METAP1: variants seen among roughly 807,000 people sequenced by gnomAD.
METAP1 encodes methionyl aminopeptidase 1.
Under a neutral mutation model 53.8 loss-of-function variants are expected in METAP1, and 28 were observed. The observed-to-expected ratio is 0.52, with a 90% CI of 0.39 to 0.71. The LOEUF (loss-of-function observed/expected upper bound fraction) is 0.71. METAP1 is among the 30% of genes least tolerant of loss of function. METAP1 has a pLI of 0.00. For synonymous variants in METAP1, 181 were observed against 165.7 expected, an observed-to-expected ratio of 1.09 and a Z score of -0.71; for missense variants, 389 against 479.8, an observed-to-expected ratio of 0.81 and a Z score of 1.77.
intron 1 of METAP1, among the ~76,000 whole-genome samples, chr4:98,997,697 A>G (rs1400028865): frequency 1.3e-5 from 2 of 152,260 alleles, no homozygotes; most frequent in Non-Finnish European, 2.9e-5. Context: ...AATGCTAGAC[A>G]AATTTGTGAA....
At chr4:98,998,604 G>A (rs546740669) in intron 1 of METAP1, among the ~76,000 whole-genome samples, 2 of 152,290 alleles carry the variant, frequency 1.3e-5, no homozygotes, top group East Asian at 3.9e-4. Context: ...GTGATCACTA[G>A]GAGGTCTTTC....
intron 5 of METAP1, among the ~76,000 whole-genome samples, chr4:99,040,307 A>G (rs1367381244): frequency 1.3e-5 from 2 of 152,198 alleles, no homozygotes; most frequent in African/African-American, 4.8e-5. Flanking sequence ...GAAATCACAT[A>G]TTTATTCTGA....
chr4:99,005,745 AG>A, intron 1 of METAP1: 1 of 422,304 alleles, frequency 2.4e-6, no homozygotes, highest in South Asian at 1.7e-5. Flanking sequence ...CATTAAAAAA[AG>A]AATGAAATAA....
Position 99,035,406 on chromosome 4 carries a change from A to G in METAP1, c.286A>G (p.Thr96Ala), listed in dbSNP as rs754229763. Residue 96 changes from threonine to alanine, a missense_variant, in exon 4 of 11, where the codon ACA becomes GCA. Thr to Ala is a moderately conservative substitution (Grantham distance 58, BLOSUM62 0). Coordinates refer to ENST00000296411, the MANE Select transcript of METAP1 (RefSeq NM_015143.3). The stretch of plus-strand genomic sequence containing the variant: ...TAACTAACTTTGTTTTTAGATGCCA[A>G]CAAGGCCAGTGCCAAGTTATATTCA... ...KLRPHYPLMPTRPVPSYIQRP... is the reference protein window; with the variant it reads ...KLRPHYPLMPARPVPSYIQRP... 1.4e-5 allele frequency: 22 copies of G among 1,547,228 alleles called. 1 individual carries two copies. Among genetic ancestry groups the G allele is most frequent in the Middle Eastern group, 1.7e-4 (1 of 6,002 alleles).
chr4:99,025,564 C>A, intron 1 of METAP1: 1 of 805,178 alleles, frequency 1.2e-6, no homozygotes, highest in Non-Finnish European at 1.5e-6. Context: ...TAATGAGGAG[C>A]CAGAGCTGAG....
chr4:99,057,714 G>A, intron 9 of METAP1, 39 bp from the exon 10 acceptor site: 1 of 1,492,936 alleles, frequency 6.7e-7, no homozygotes, highest in Non-Finnish European at 9.1e-7. Context: ...GTACACTGTT[G>A]GTTTTGCTAC....
intron 1 of METAP1, among the ~76,000 whole-genome samples, chr4:99,024,032 A>G (rs1407592839): frequency 1.3e-5 from 2 of 152,250 alleles, no homozygotes; most frequent in Non-Finnish European, 2.9e-5. Context: ...AAAGGCAGAA[A>G]TGAAATCTAC....
At position 99,043,349 on chromosome 4, in the gene METAP1, C is replaced by A; in HGVS notation, c.617C>A (p.Pro206Gln). 1 of 1,604,790 alleles carries A rather than the reference C, an allele frequency of 6.2e-7. No individual in the cohort carries two copies. The highest frequency in any genetic ancestry group is 8.5e-7 in the Non-Finnish European group (1 of 1,175,206). The change falls in exon 7 of 11, where the codon CCA becomes CAA. Residue 206 changes from proline to glutamine, a missense_variant. Transcript: ENST00000296411. Reference protein sequence around the residue: ...SVNEVICHGIPDRRPLQEGDI... With the variant: ...SVNEVICHGIQDRRPLQEGDI... Reference sequence around the variant, plus strand: ...AATGAAGTCATTTGCCATGGAATACCAGACAGAAGGCCCTTACAAGAAGGT... The same window carrying A: ...AATGAAGTCATTTGCCATGGAATACAAGACAGAAGGCCCTTACAAGAAGGT...
intron 8 of METAP1, among the ~76,000 whole-genome samples, chr4:99,047,367 GC>G (rs1726344214): frequency 6.6e-6 from 1 of 152,132 alleles, no homozygotes; most frequent in Admixed American, 6.5e-5. Context: ...TACCCTTGGG[GC>G]CGCAGTTGGA....
chr4:99,022,540 G>A (rs1724201867), intron 1 of METAP1: 2 of 636,924 alleles, frequency 3.1e-6, no homozygotes, highest in South Asian at 4.1e-5. Flanking sequence ...CCCATCAACA[G>A]CAAGAAAGCA....
At chr4:99,022,775 C>G (rs1724225759) in intron 1 of METAP1, 1 of 1,602,334 alleles carries the variant, frequency 6.2e-7, no homozygotes, top group Non-Finnish European at 8.5e-7. Flanking sequence ...GGCCGCCACA[C>G]TCTTGGCTAT....
chr4:99,003,132 C>G (rs148975597), intron 1 of METAP1, among the ~76,000 whole-genome samples: 196 of 152,334 alleles, frequency 1.3e-3, no homozygotes, highest in African/African-American at 4.4e-3. Flanking sequence ...GGTCTGCTAT[C>G]TGCTAATGTG....
At chr4:99,044,868 C>T (rs1579315802) in intron 7 of METAP1, among the ~76,000 whole-genome samples, 2 of 152,176 alleles carry the variant, frequency 1.3e-5, no homozygotes, top group East Asian at 3.9e-4. Flanking sequence ...GTTACTAACT[C>T]TGGTAATTTA....
chr4:99,008,421 A>G (rs1723286912), intron 1 of METAP1, among the ~76,000 whole-genome samples: 1 of 152,218 alleles, frequency 6.6e-6, no homozygotes, highest in Admixed American at 6.5e-5. Context: ...TGTTAAATAT[A>G]TTGTTATAAA....
intron 1 of METAP1, among the ~76,000 whole-genome samples, chr4:99,004,446 TACACACACACACAC>T (rs1189663861): frequency 8.5e-4 from 68 of 80,106 alleles, no homozygotes; most frequent in African/African-American, 1.2e-3. Flanking sequence ...TGTGGACAGA[TACACACACACACAC>T]ACACACACAC....
chr4:99,007,767 T>G (rs532251371), intron 1 of METAP1, among the ~76,000 whole-genome samples: 2 of 152,332 alleles, frequency 1.3e-5, no homozygotes, highest in Non-Finnish European at 2.9e-5. Context: ...GTTATCACCT[T>G]TAAAGTGGCT....
At chr4:99,025,496 T>A in intron 1 of METAP1, 1 of 968,122 alleles carries the variant, frequency 1.0e-6, no homozygotes, top group Non-Finnish European at 1.2e-6. Flanking sequence ...TCTGATTGAA[T>A]TTGAAGTGGG....
intron 9 of METAP1, among the ~76,000 whole-genome samples, chr4:99,051,273 G>A (rs972352815): frequency 6.6e-6 from 1 of 152,186 alleles, no homozygotes; most frequent in Non-Finnish European, 1.5e-5. Context: ...TGGTTATAGT[G>A]TCAGCAAAAT....
At chr4:99,046,091 T>C (rs1473585150) in intron 8 of METAP1, among the ~76,000 whole-genome samples, 2 of 152,174 alleles carry the variant, frequency 1.3e-5, no homozygotes, top group Non-Finnish European at 2.9e-5. Flanking sequence ...TCGAGGCTTT[T>C]TTGTTTAATC....
Sources: allele counts gnomAD v4.1 joint callset (sites outside exome capture counted in the v4.1 genomes callset), GRCh38; gene constraint gnomAD v4.1.1; transcripts MANE v1.5; gene names NCBI Gene and HGNC (gene_info 2026-07-23, HGNC 2026-07-21).